GYPE: variants seen among roughly 807,000 people sequenced by gnomAD.
The protein encoded by GYPE is glycophorin E (MNS blood group).
A neutral mutation model predicts 11.6 loss-of-function variants in GYPE; 8 were observed. That is an observed-to-expected ratio of 0.69 (90% CI 0.41 to 1.25). The LOEUF (loss-of-function observed/expected upper bound fraction) is 1.25, where lower values mean the gene tolerates loss of function less well. GYPE is among the 50% of genes most tolerant of loss of function. GYPE has a pLI of 0.01. For synonymous variants in GYPE, 28 were observed against 29.6 expected (o/e 0.94, Z 0.18); for missense variants, 90 against 92.8 (o/e 0.97, Z 0.12).
chr4:143,879,493 A>G (rs1167452369), intron 2 of GYPE, among the ~76,000 whole-genome samples: 1 of 152,028 alleles, frequency 6.6e-6, no homozygotes, highest in Non-Finnish European at 1.5e-5. Flanking sequence ...GCTTTGGAGT[A>G]AAACAGATGG....
chr4:143,873,226 A>G (rs953336192), intron 3 of GYPE: 1 of 288,168 alleles, frequency 3.5e-6, no homozygotes, highest in African/African-American at 2.2e-5. Context: ...TGAGGACATT[A>G]AAATATACAG....
At chr4:143,878,886 C>G (rs1348547742) in intron 2 of GYPE, among the ~76,000 whole-genome samples, 1 of 152,094 alleles carries the variant, frequency 6.6e-6, no homozygotes, top group South Asian at 2.1e-4. Flanking sequence ...AATGACCCAA[C>G]AAGTATTCAT....
chr4:143,884,636 T>C (rs1744171491), intron 1 of GYPE, among the ~76,000 whole-genome samples: 1 of 34,042 alleles, frequency 2.9e-5, no homozygotes, highest in Non-Finnish European at 7.2e-5. Context: ...TCAACTCTAC[T>C]TGGAGAGGTA....
rs1392621919 is a variant in GYPE at position 143,871,749 on chromosome 4, T to C, written c.*513A>G. On this transcript the variant is annotated 3_prime_UTR_variant, in exon 4 of 4. Coordinates refer to ENST00000358615, the MANE Select transcript of GYPE (RefSeq NM_198682.3). ...TGAGAGAAACTAATATTTGGTTTAC[T>C]GTCAGCAGTCTGTTCGGGCGGCATT... is the stretch of plus-strand genomic sequence containing the variant. The C allele has an allele frequency of 6.6e-6, 1 of 152,204 alleles. No individual in the cohort carries two copies. The highest frequency in any genetic ancestry group is 1.9e-4 in the East Asian group (1 of 5,194). 9.4% of individuals were successfully genotyped at this position (152,204 alleles called of 1,614,324 possible).
chr4:143,892,637 T>C (rs1368069004), intron 1 of GYPE, among the ~76,000 whole-genome samples: 1 of 152,090 alleles, frequency 6.6e-6, no homozygotes, highest in African/African-American at 2.4e-5. Context: ...AGTCTCTTAA[T>C]CCTGAGTTCT....
chr4:143,885,532 T>G (rs1744198559), intron 1 of GYPE, among the ~76,000 whole-genome samples: 1 of 152,098 alleles, frequency 6.6e-6, no homozygotes, highest in Non-Finnish European at 1.5e-5. Flanking sequence ...AACACTGTAC[T>G]CAAGTATACA....
chr4:143,900,653 A>G (rs13122618), intron 1 of GYPE, among the ~76,000 whole-genome samples: 26,637 of 151,572 alleles, frequency 0.18, 2,758 homozygotes, highest in Middle Eastern at 0.29. Flanking sequence ...CATTTATTAT[A>G]AAAGGAATGA....
At chr4:143,885,617 G>T (rs2149908959) in intron 1 of GYPE, among the ~76,000 whole-genome samples, 1 of 151,840 alleles carries the variant, frequency 6.6e-6, no homozygotes, top group South Asian at 2.1e-4. Flanking sequence ...TTTCCAGCTG[G>T]ATCTACATGC....
At chr4:143,880,612 G>A (rs1331292114) in intron 1 of GYPE, 103 bp from the exon 2 acceptor site, 1 of 1,560,430 alleles carries the variant, frequency 6.4e-7, no homozygotes, top group Admixed American at 1.7e-5. Flanking sequence ...TCCAGTCCCT[G>A]AGCTAAGCGC....
intron 1 of GYPE, among the ~76,000 whole-genome samples, chr4:143,895,639 A>T (rs971677145): frequency 1.4e-5 from 2 of 144,004 alleles, no homozygotes; most frequent in Non-Finnish European, 3.0e-5. Context: ...CTTTCTTCAC[A>T]GAATTTGAAA....
intron 1 of GYPE, among the ~76,000 whole-genome samples, chr4:143,887,496 C>A (rs1416118121): frequency 7.2e-6 from 1 of 139,246 alleles, no homozygotes; most frequent in Non-Finnish European, 1.6e-5. Context: ...GCTGCATGGG[C>A]CTCTGAGAAA....
chr4:143,904,623 T>C (rs187312655), intron 1 of GYPE, among the ~76,000 whole-genome samples: 1 of 152,062 alleles, frequency 6.6e-6, no homozygotes, highest in Non-Finnish European at 1.5e-5. Flanking sequence ...TGTATGCTAC[T>C]GTATGCTCAG....
At chr4:143,891,647 AC>A (rs1458334526) in intron 1 of GYPE, among the ~76,000 whole-genome samples, 3 of 151,986 alleles carry the variant, frequency 2.0e-5, no homozygotes, top group Non-Finnish European at 4.4e-5. Context: ...TTTTTTAAGT[AC>A]TTAAAAAAGT....
intron 1 of GYPE, among the ~76,000 whole-genome samples, chr4:143,890,973 T>C (rs1011569074): frequency 3.7e-4 from 56 of 152,174 alleles, no homozygotes; most frequent in African/African-American, 1.2e-3. Context: ...TTCCCATCTC[T>C]ACCTGGCAGC....
intron 1 of GYPE, among the ~76,000 whole-genome samples, chr4:143,900,509 A>T (rs2590015): frequency 2.8e-4 from 39 of 141,044 alleles, no homozygotes; most frequent in African/African-American, 7.3e-4. Flanking sequence ...ACTATTCACA[A>T]TAGCCAAAAG....
chr4:143,902,370 T>A (rs1262243148), intron 1 of GYPE, among the ~76,000 whole-genome samples: 2 of 151,886 alleles, frequency 1.3e-5, no homozygotes, highest in Admixed American at 6.6e-5. Context: ...AGATGCCTTG[T>A]TTCTTCACTT....
intron 1 of GYPE, among the ~76,000 whole-genome samples, chr4:143,896,130 T>C (rs1744621157): frequency 6.6e-6 from 1 of 152,090 alleles, no homozygotes; most frequent in East Asian, 1.9e-4. Flanking sequence ...CCAAAAGCAA[T>C]GGCAACAGAA....
intron 1 of GYPE, among the ~76,000 whole-genome samples, chr4:143,901,802 G>C (rs1011649660): frequency 1.3e-5 from 2 of 151,912 alleles, no homozygotes; most frequent in African/African-American, 4.8e-5. Flanking sequence ...TTTATCACAA[G>C]AATGTGAAGC....
At chr4:143,894,240 G>T (rs12651691) in intron 1 of GYPE, among the ~76,000 whole-genome samples, 103,069 of 150,930 alleles carry the variant, frequency 0.68, 35,511 homozygotes, top group East Asian at 0.95. Context: ...TTCAACTTCT[G>T]TGCCTTTGGT....
Sources: allele counts gnomAD v4.1 joint callset (sites outside exome capture counted in the v4.1 genomes callset), GRCh38; gene constraint gnomAD v4.1.1; transcripts MANE v1.5; gene names NCBI Gene and HGNC (gene_info 2026-07-23, HGNC 2026-07-21).